MAD1L1: variants seen among roughly 807,000 people sequenced by gnomAD.
MAD1L1 encodes the protein mitotic spindle assembly checkpoint protein MAD1.
MAD1L1 carries 95 observed loss-of-function variants against 96.9 expected under a neutral mutation model. That is an observed-to-expected ratio of 0.98 (90% confidence interval 0.83 to 1.16). The LOEUF (loss-of-function observed/expected upper bound fraction) is 1.16. MAD1L1 is among the 50% of genes most tolerant of loss of function. The pLI, the probability that MAD1L1 is intolerant of heterozygous loss-of-function variation, is 0.00. For synonymous variants in MAD1L1, 473 were observed against 396.6 expected (o/e 1.19, Z -2.29); for missense variants, 1,007 against 954.4 (o/e 1.06, Z -0.73).
Position 2,116,573 on chromosome 7 carries a change from G to C in MAD1L1, c.1073+32579C>G, listed in dbSNP as rs563759892. On this transcript the variant is annotated intron_variant, in intron 11 of 18. Transcript: ENST00000265854. Reference sequence around the variant, plus strand: ...ACGTGGCAGGCCAGAGGGTTGGGGGGGGGGGGGGCTCCTGTGTGTACACAG... The same window carrying C: ...ACGTGGCAGGCCAGAGGGTTGGGGGCGGGGGGGGCTCCTGTGTGTACACAG... Among the ~76,000 whole-genome samples the C allele has an allele frequency of 3.1e-4, 47 of 151,082 alleles. 4 individuals are homozygous for C. The highest frequency in any genetic ancestry group is 1.1e-3 in the South Asian group (5 of 4,722).
chr7:2,012,387 C>T (rs1366788310), intron 13 of MAD1L1, among the ~76,000 whole-genome samples: 1 of 152,234 alleles, frequency 6.6e-6, no homozygotes, highest in East Asian at 1.9e-4. Context: ...CAGAGACCCT[C>T]CCCGCAAATC....
chr7:2,135,664 G>T (rs1788713681), intron 11 of MAD1L1, among the ~76,000 whole-genome samples: 1 of 152,160 alleles, frequency 6.6e-6, no homozygotes, highest in South Asian at 2.1e-4. Flanking sequence ...CTGCCCCCCA[G>T]CTCTCACAGC....
intron 11 of MAD1L1, among the ~76,000 whole-genome samples, chr7:2,102,117 G>A (rs1786810150): frequency 6.6e-6 from 1 of 152,000 alleles, no homozygotes; most frequent in Non-Finnish European, 1.5e-5. Context: ...TCACAGGGCA[G>A]ACTCTCAACA....
intron 11 of MAD1L1, among the ~76,000 whole-genome samples, chr7:2,125,324 T>C (rs1312695980): frequency 6.6e-6 from 1 of 152,014 alleles, no homozygotes; most frequent in Admixed American, 6.6e-5. Context: ...GATGCCCAGG[T>C]GGGGACAAAG....
intron 10 of MAD1L1, among the ~76,000 whole-genome samples, chr7:2,183,302 G>A (rs1292503792): frequency 2.0e-5 from 3 of 151,632 alleles, no homozygotes; most frequent in Non-Finnish European, 4.4e-5. Context: ...ACAAGCCACA[G>A]ACAGGGCAAA....
At chr7:1,919,304 C>G (rs1005182253) in intron 17 of MAD1L1, among the ~76,000 whole-genome samples, 2 of 152,268 alleles carry the variant, frequency 1.3e-5, no homozygotes, top group South Asian at 2.1e-4. Context: ...CCGTCCAACA[C>G]GGCTGCCCCG....
At chr7:2,191,955 C>T (rs964641197) in intron 10 of MAD1L1, among the ~76,000 whole-genome samples, 3 of 151,708 alleles carry the variant, frequency 2.0e-5, no homozygotes, top group Non-Finnish European at 4.4e-5. Context: ...TGCTTGAACC[C>T]GGCTGGCAGA....
rs546464917 is a variant in MAD1L1 at position 2,146,353 on chromosome 7, G to C, written c.1073+2799C>G. 6.7e-6 allele frequency among the ~76,000 whole-genome samples: 1 copy of C among 150,334 alleles called. No individual in the cohort carries two copies. The highest frequency in any genetic ancestry group is 2.5e-5 in the African/African-American group (1 of 40,570). On this transcript the variant is annotated intron_variant, in intron 11 of 18. Coordinates refer to ENST00000265854, the MANE Select transcript of MAD1L1 (RefSeq NM_001013836.2). This position sits in a 1 kb window ranked among gnomAD's most constrained non-coding sequence, Gnocchi z 6.2. ...CACCGCCTCGAAGAGGGAGCACCGG[G>C]CACTGGGCTACGAGGAACAGGGCAA...
chr7:1,947,914 G>A (rs1779305480), intron 16 of MAD1L1, among the ~76,000 whole-genome samples: 1 of 152,204 alleles, frequency 6.6e-6, no homozygotes, highest in Non-Finnish European at 1.5e-5. Flanking sequence ...CTCCCAAGCA[G>A]GTAGAGGCAC....
intron 18 of MAD1L1, among the ~76,000 whole-genome samples, chr7:1,870,184 GCCCAACATATGCCTGCCATGCTGAA>G (rs1489488425): frequency 3.8e-4 from 58 of 152,138 alleles, no homozygotes; most frequent in African/African-American, 1.4e-3. Context: ...CCTAGTTGGT[GCCCAACATATGCCTGCCATGCTGAA>G]CCCAACATAT....
At chr7:1,855,516 A>G (rs1416660060) in intron 18 of MAD1L1, among the ~76,000 whole-genome samples, 1 of 150,854 alleles carries the variant, frequency 6.6e-6, no homozygotes, top group East Asian at 2.0e-4. Context: ...TCCCTCACAC[A>G]CTCACTTTCC....
intron 10 of MAD1L1, among the ~76,000 whole-genome samples, chr7:2,167,421 C>A (rs1448735977): frequency 6.6e-6 from 1 of 151,874 alleles, no homozygotes; most frequent in Admixed American, 6.6e-5. Flanking sequence ...TGGTGGCGGG[C>A]GCCTGTAGTC....
At chr7:1,866,750 G>C (rs77388382) in intron 18 of MAD1L1, among the ~76,000 whole-genome samples, 1 of 152,186 alleles carries the variant, frequency 6.6e-6, no homozygotes. Flanking sequence ...TCTGTTCCAC[G>C]GGCTGACGGG....
intron 18 of MAD1L1, among the ~76,000 whole-genome samples, chr7:1,841,717 G>A (rs1018003610): frequency 2.6e-4 from 40 of 152,390 alleles, no homozygotes; most frequent in African/African-American, 8.9e-4. Context: ...TGCTTCCCTC[G>A]CGGGGCAGAT....
At chr7:1,996,478 A>T (rs1281119889) in intron 14 of MAD1L1, among the ~76,000 whole-genome samples, 1 of 152,186 alleles carries the variant, frequency 6.6e-6, no homozygotes, top group African/African-American at 2.4e-5. Flanking sequence ...GACCCCAGAG[A>T]GCCTAGAGCT....
At chr7:1,941,876 G>A (rs1040406994) in intron 16 of MAD1L1, among the ~76,000 whole-genome samples, 5 of 38,540 alleles carry the variant, frequency 1.3e-4, no homozygotes, top group Non-Finnish European at 7.6e-4. Context: ...GAGGACAGGC[G>A]CTAGGGCTCT....
intron 6 of MAD1L1, among the ~76,000 whole-genome samples, chr7:2,218,861 T>C (rs887218037): frequency 5.3e-5 from 8 of 151,640 alleles, no homozygotes; most frequent in African/African-American, 1.9e-4. Context: ...ATGGTGCCAC[T>C]GCACTCCAGC....
intron 13 of MAD1L1, among the ~76,000 whole-genome samples, chr7:2,008,850 C>T (rs1782158322): frequency 6.6e-6 from 1 of 152,024 alleles, no homozygotes. Context: ...AGGAACACGG[C>T]TCCATCCCAA....
intron 15 of MAD1L1, among the ~76,000 whole-genome samples, chr7:1,977,486 G>A (rs931493816): frequency 2.0e-5 from 3 of 152,154 alleles, no homozygotes; most frequent in African/African-American, 7.2e-5. Flanking sequence ...CCCAGTTCCT[G>A]CCTGCGCCTC....
Sources: gnomAD v4.1 joint callset for allele counts (sites outside exome capture counted in the v4.1 genomes callset) on GRCh38, gnomAD v4.1.1 for gene constraint, Gnocchi (gnomAD v3.1) non-coding constraint, MANE v1.5 for transcripts, NCBI Gene and HGNC (gene_info 2026-07-23, HGNC 2026-07-21) for gene names.